Variants in ASPSCR1 observed in about 807,000 individuals in gnomAD.
The protein encoded by ASPSCR1 is ASPSCR1 tether for SLC2A4, UBX domain containing.
A neutral mutation model predicts 68.9 loss-of-function variants in ASPSCR1; 55 were observed. That is an observed-to-expected ratio of 0.80 (90% CI 0.64 to 1.00). The LOEUF (loss-of-function observed/expected upper bound fraction) is 1.00. ASPSCR1 is among the 50% of genes least tolerant of loss of function. ASPSCR1 has a pLI of 0.00. For missense variants in ASPSCR1, 765 were observed against 762.2 expected (o/e 1.00, Z -0.04); for synonymous variants, 352 against 332.6 (o/e 1.06, Z -0.63).
intron 4 of ASPSCR1, among the ~76,000 whole-genome samples, chr17:81,988,148 C>CAA (rs756745360): frequency 2.8e-4 from 27 of 98,028 alleles, no homozygotes; most frequent in African/African-American, 8.0e-4. Context: ...GACTCTGTCT[C>CAA]AAAAAAAAAA....
chr17:82,017,035 C>G lies in ASPSCR1; in HGVS notation c.1570C>G (p.Pro524Ala), dbSNP rs2043158043. 1.2e-6 allele frequency: 2 copies of G among 1,611,960 alleles called. No homozygotes were observed. Among genetic ancestry groups the G allele is most frequent in the African/African-American group, 2.7e-5 (2 of 74,912 alleles). ...EPAAEEGALV[P>A]PEPIPGTAQP... ...AGCTGCTGAGGAGGGGGCGCTGGTC[C>G]CCCCTGAGCCCATCCCAGGGACGGC... The change falls in exon 15 of 16, where the codon CCC becomes GCC. Residue 524 changes from proline to alanine, a missense_variant. By Grantham distance (27) the Pro-to-Ala change is conservative. Transcript: ENST00000306739.
Position 81,983,752 on chromosome 17 carries a change from G to T in ASPSCR1, c.273+84G>T, listed in dbSNP as rs984681599. 19 of 1,197,114 alleles carry T rather than the reference G, an allele frequency of 1.6e-5. No homozygotes were observed. The highest frequency in any genetic ancestry group is 1.4e-4 in the African/African-American group (9 of 66,228). The allele number at this position is 1,197,114 out of a possible 1,614,324, so 74.2% of individuals were successfully genotyped here. A position where few individuals can be genotyped will look rare whatever the true frequency, so the allele number is the denominator to read the frequency against. On this transcript the variant is annotated intron_variant, in intron 3 of 15. Transcript: ENST00000306739. The surrounding 1 kb of genome is among the most constrained non-coding windows in gnomAD (Gnocchi z 4.4). ...GGGACGGGGGACGGGACAGTGGGGG[G>T]TGCTGGGGAAGGAGGGACATGAGTC...
chr17:81,977,654 C>G lies in ASPSCR1; in HGVS notation c.8C>G (p.Ala3Gly). 1 of 1,395,614 alleles carries G rather than the reference C, an allele frequency of 7.2e-7. No homozygotes were observed. The highest frequency in any genetic ancestry group is 1.5e-5 in the African/African-American group (1 of 66,330). The allele number at this position is 1,395,614 out of a possible 1,614,324, so 86.5% of individuals were successfully genotyped here. A position where few individuals can be genotyped will look rare whatever the true frequency, so the allele number is the denominator to read the frequency against. Residue 3 changes from alanine (A) to glycine (G), a missense_variant, in exon 1 of 16, where the codon GCC (alanine) becomes GGC (glycine). By Grantham distance (60) the Ala-to-Gly change is moderately conservative. Coordinates refer to ENST00000306739, the MANE Select transcript of ASPSCR1 (RefSeq NM_024083.4). This position sits in a 1 kb window ranked among gnomAD's most constrained non-coding sequence, Gnocchi z 5.0. ...GGGTCACGTGAGCGGAAAATGGCGGCCCCGGCAGGCGGCGGAGGCTCCGCG... is the reference window on the plus strand; with the variant it reads ...GGGTCACGTGAGCGGAAAATGGCGGGCCCGGCAGGCGGCGGAGGCTCCGCG... MA[A>G]PAGGGGSAVS...
chr17:81,998,526 G>T (rs1442152668), intron 7 of ASPSCR1, among the ~76,000 whole-genome samples: 3 of 152,092 alleles, frequency 2.0e-5, no homozygotes, highest in African/African-American at 7.2e-5. Context: ...CTCTGCCAAG[G>T]ATGATGTGTG....
intron 7 of ASPSCR1, among the ~76,000 whole-genome samples, chr17:82,002,617 C>T (rs1027049515): frequency 2.6e-5 from 4 of 151,902 alleles, no homozygotes; most frequent in South Asian, 2.1e-4. Context: ...GGCTGGAGTG[C>T]GGTGGCATGA....
At position 81,983,707 on chromosome 17, in the gene ASPSCR1, CAG is replaced by C. The variant is rs1304848820; in HGVS notation, c.273+40_273+41del. 2 of 1,521,388 alleles carry C rather than the reference CAG, an allele frequency of 1.3e-6. No individual in the cohort carries two copies. Among genetic ancestry groups the C allele is most frequent in the Non-Finnish European group, 9.0e-7 (1 of 1,110,384 alleles). 94.2% of individuals were successfully genotyped at this position (1,521,388 alleles called of 1,614,324 possible). On this transcript the variant is annotated intron_variant, in intron 3 of 15. Transcript: ENST00000306739. This position sits in a 1 kb window ranked among gnomAD's most constrained non-coding sequence, Gnocchi z 4.4. ...TGGGGGAGGCTGACTGTGTGGGGCACAGGATCGTTCAGCTGGCCAGGGACGGG... is the reference window on the plus strand; with the variant it reads ...TGGGGGAGGCTGACTGTGTGGGGCACGATCGTTCAGCTGGCCAGGGACGGG...
At position 81,983,151 on chromosome 17, in the gene ASPSCR1, G is replaced by GT. The variant is rs759645906; in HGVS notation, c.159-399dup. The stretch of plus-strand genomic sequence containing the variant: ...TGAGCCACTGCGCCCGGGCAGTCAG[G>GT]TTTTCTGTGGTGGCTCCAGCCGTGA... On this transcript the variant is annotated intron_variant, in intron 2 of 15. Transcript: ENST00000306739. The surrounding 1 kb of genome is among the most constrained non-coding windows in gnomAD (Gnocchi z 4.4). Among the ~76,000 whole-genome samples, 1 of 152,178 alleles carries GT rather than the reference G, an allele frequency of 6.6e-6. No individual in the cohort carries two copies. The highest frequency in any genetic ancestry group is 1.5e-5 in the Non-Finnish European group (1 of 68,032).
In ASPSCR1 at chr17:81,985,539, G is replaced by T. The variant is rs144660143; in HGVS notation, c.306G>T (p.Ser102=). The T allele has an allele frequency of 1.9e-6, 3 of 1,613,950 alleles. No homozygotes were observed. Among genetic ancestry groups the T allele is most frequent in the Non-Finnish European group, 2.5e-6 (3 of 1,180,038 alleles). ...TCGCTTTGCAGCTGGACGATGGCTC[G>T]AGGTTGCAGGACTCTTTCTGTTCAG... is the stretch of plus-strand genomic sequence containing the variant. ...VRIALQLDDG[S]RLQDSFCSGQ... Residue 102 remains serine, a synonymous_variant, in exon 4 of 16, where the codon TCG becomes TCT. Transcript: ENST00000306739.
chr17:82,011,471 GC>G, intron 10 of ASPSCR1, 71 bp from the exon 11 acceptor site: 1 of 1,419,866 alleles, frequency 7.0e-7, no homozygotes, highest in Non-Finnish European at 9.6e-7. Flanking sequence ...GGGAGCAGTG[GC>G]CCAGGTGCTG....
intron 11 of ASPSCR1, chr17:82,012,014 G>C: frequency 1.5e-6 from 1 of 668,400 alleles, no homozygotes. Context: ...CGGGCTGCAC[G>C]GGTGGTGTCC....
chr17:82,015,118 C>T (rs750491850), intron 12 of ASPSCR1: 21 of 1,598,100 alleles, frequency 1.3e-5, no homozygotes, highest in Admixed American at 3.3e-5. Flanking sequence ...CTGGGTCCCT[C>T]GCTGAAACGG....
chr17:81,991,665 T>C (rs958863735), intron 4 of ASPSCR1, among the ~76,000 whole-genome samples: 2 of 152,254 alleles, frequency 1.3e-5, no homozygotes, highest in Non-Finnish European at 2.9e-5. Context: ...GGCCGGAGCC[T>C]GCCCCAGGCT....
Position 82,009,393 on chromosome 17 carries a change from C to T in ASPSCR1, c.1089-93C>T, listed in dbSNP as rs143551347. 8.3e-5 allele frequency: 115 copies of T among 1,392,676 alleles called. No individual in the cohort carries two copies. In the African/African-American group the frequency reaches 1.6e-3, roughly 19 times the overall value. The allele number at this position is 1,392,676 out of a possible 1,614,324, so 86.3% of individuals were successfully genotyped here. A position where few individuals can be genotyped will look rare whatever the true frequency, so the allele number is the denominator to read the frequency against. On this transcript the variant is annotated intron_variant, in intron 8 of 15. Transcript: ENST00000306739. ...CCTTGTGTGGGGAGAGCAGCCCACT[C>T]CCACCCTGGAGGGTGCAGGTGAGGA... is the stretch of plus-strand genomic sequence containing the variant.
intron 7 of ASPSCR1, among the ~76,000 whole-genome samples, chr17:82,001,768 C>T (rs1335411688): frequency 2.6e-5 from 4 of 152,162 alleles, no homozygotes; most frequent in African/African-American, 9.7e-5. Flanking sequence ...GGTCAGGGGC[C>T]CCGTCAGCCC....
chr17:82,009,235 T>C, intron 8 of ASPSCR1, 44 bp downstream of exon 8: 2 of 1,549,118 alleles, frequency 1.3e-6, no homozygotes, highest in South Asian at 2.4e-5. Flanking sequence ...GCGCCAGGGT[T>C]TGCCCCATCG....
In ASPSCR1 at chr17:81,999,344, G is replaced by T. The variant is rs1205935972; in HGVS notation, c.933+2498G>T. Among the ~76,000 whole-genome samples, 1 of 152,174 alleles carries T rather than the reference G, an allele frequency of 6.6e-6. No individual in the cohort carries two copies. The highest frequency in any genetic ancestry group is 1.5e-5 in the Non-Finnish European group (1 of 68,032). On this transcript the variant is annotated intron_variant, in intron 7 of 15. Coordinates refer to ENST00000306739, the MANE Select transcript of ASPSCR1 (RefSeq NM_024083.4). The surrounding 1 kb of genome is among the most constrained non-coding windows in gnomAD (Gnocchi z 4.4). ...GGACATTTAAAATATTTGTGTCTGG[G>T]CCTGTGGCATGGTGGCTCACACCTG...
Position 82,016,472 on chromosome 17 carries a change from G to A in ASPSCR1, c.1354-4G>A. The A allele has an allele frequency of 6.5e-7, 1 of 1,548,248 alleles. No homozygotes were observed. Among genetic ancestry groups the A allele is most frequent in the South Asian group, 1.2e-5 (1 of 84,012 alleles). ...GGCCCCTGAGCCCCCCGCCCTCCCT[G>A]CAGGCGAACCTCTTCCCGGCCGCTC... On this transcript the variant is annotated splice_polypyrimidine_tract_variant and splice_region_variant and intron_variant, in intron 12 of 15. Coordinates refer to ENST00000306739, the MANE Select transcript of ASPSCR1 (RefSeq NM_024083.4).
intron 12 of ASPSCR1, chr17:82,015,837 A>C: frequency 5.2e-6 from 1 of 190,720 alleles, no homozygotes. Flanking sequence ...GCCCCTGCCC[A>C]CCCCACAGGC....
chr17:82,012,216 G>A lies in ASPSCR1; in HGVS notation c.1301-15G>A. 6.2e-7 allele frequency: 1 copy of A among 1,612,912 alleles called. No individual in the cohort carries two copies. On this transcript the variant is annotated splice_polypyrimidine_tract_variant and intron_variant, in intron 11 of 15. Coordinates refer to ENST00000306739, the MANE Select transcript of ASPSCR1 (RefSeq NM_024083.4). ...CCACGGTGCTTCCTAACACGTAGGT[G>A]CCTTCTCTCCTCAGTCATCACCCCT... is the stretch of plus-strand genomic sequence containing the variant.
Sources: gnomAD v4.1 joint callset for allele counts (sites outside exome capture counted in the v4.1 genomes callset) on GRCh38, gnomAD v4.1.1 for gene constraint, Gnocchi (gnomAD v3.1) non-coding constraint, MANE v1.5 for transcripts, NCBI Gene and HGNC (gene_info 2026-07-23, HGNC 2026-07-21) for gene names.